The following SNX25 variants were observed in gnomAD, a reference collection of about 807,000 sequenced individuals.
The protein encoded by SNX25 is sorting nexin-25.
Under a neutral mutation model 113.7 loss-of-function variants are expected in SNX25, and 62 were observed. That is an observed-to-expected ratio of 0.55 (90% CI 0.44 to 0.67). SNX25 has a LOEUF of 0.67. Among genes scored for constraint, SNX25 ranks in the 30% least tolerant of loss-of-function variants. SNX25 has a pLI of 0.00. For synonymous variants in SNX25, 421 were observed against 436.2 expected (o/e 0.97, Z 0.43); for missense variants, 1,014 against 1,161.0 (o/e 0.87, Z 1.84).
intron 13 of SNX25, among the ~76,000 whole-genome samples, chr4:185,348,569 G>A (rs1579885911): frequency 6.6e-6 from 1 of 151,984 alleles, no homozygotes; most frequent in Non-Finnish European, 1.5e-5. Context: ...GTTAATTTTT[G>A]TATCTTTAGT....
chr4:185,323,095 T>C (rs2095132536), intron 8 of SNX25, among the ~76,000 whole-genome samples: 1 of 152,182 alleles, frequency 6.6e-6, no homozygotes, highest in African/African-American at 2.4e-5. Context: ...TGAAGAGTGT[T>C]TTTCTCGTTT....
chr4:185,287,917 TTACATTTGTTTAGTATAAA>T, intron 5 of SNX25, 76 bp from the exon 6 acceptor site: 1 of 972,528 alleles, frequency 1.0e-6, no homozygotes, highest in Non-Finnish European at 1.5e-6. Context: ...AGCTCCTGTG[TTACATTTGTTTAGTATAAA>T]TACAGTCTAA....
chr4:185,348,586 G>A lies in SNX25; in HGVS notation c.2301+1936G>A, dbSNP rs111622349. ...TAATTTTTGTATCTTTAGTAGAGAC[G>A]GGGTTTCATCATGTTGGACAGGCAG... On this transcript the variant is annotated intron_variant, in intron 13 of 18. Transcript: ENST00000652585. 3.1e-3 allele frequency among the ~76,000 whole-genome samples: 465 copies of A among 152,046 alleles called. 2 individuals carry two copies. Among genetic ancestry groups the A allele is most frequent in the African/African-American group, 0.011 (450 of 41,476 alleles).
chr4:185,304,827 C>G (rs1217345232), intron 6 of SNX25, among the ~76,000 whole-genome samples: 1 of 152,206 alleles, frequency 6.6e-6, no homozygotes, highest in Admixed American at 6.5e-5. Context: ...GATTCAACAG[C>G]TGGTTAGTCT....
In SNX25 at chr4:185,234,637, G is replaced by A. The variant is rs1330639899; in HGVS notation, c.430-12657G>A. Among the ~76,000 whole-genome samples, 9 of 18,396 alleles carry A rather than the reference G, an allele frequency of 4.9e-4. 3 individuals are homozygous for A. Among genetic ancestry groups the A allele is most frequent in the Non-Finnish European group, 1.1e-3 (8 of 7,224 alleles). 12.1% of individuals were successfully genotyped at this position (18,396 alleles called of 152,430 possible). On this transcript the variant is annotated intron_variant, in intron 1 of 18. Coordinates refer to ENST00000652585, the MANE Select transcript of SNX25 (RefSeq NM_001378034.2). ...GCGGAGCTTGCAGTGAGCCGAGATC[G>A]CGCCACTGCACTCCAGCCTGGGCGA...
chr4:185,291,828 C>T lies in SNX25; in HGVS notation c.1162+3746C>T, dbSNP rs75310017. Among the ~76,000 whole-genome samples, 705 of 152,280 alleles carry T rather than the reference C, an allele frequency of 4.6e-3. 1 individual carries two copies. The highest frequency in any genetic ancestry group is 0.015 in the African/African-American group (628 of 41,548). On this transcript the variant is annotated intron_variant, in intron 6 of 18. Coordinates refer to ENST00000652585, the MANE Select transcript of SNX25 (RefSeq NM_001378034.2). ...GCATGACTTTATCTTAACTTGATCA[C>T]GTCGGCAAAGACCCCATTTCCGAAT...
intron 7 of SNX25, among the ~76,000 whole-genome samples, chr4:185,312,216 T>G (rs2095036530): frequency 6.6e-6 from 1 of 152,168 alleles, no homozygotes; most frequent in South Asian, 2.1e-4. Flanking sequence ...TCAGTTACAG[T>G]GCTAGGTACT....
At chr4:185,264,641 A>G (rs1747797107) in intron 4 of SNX25, 31 bp downstream of exon 4, 2 of 1,606,144 alleles carry the variant, frequency 1.2e-6, no homozygotes, top group Admixed American at 3.3e-5. Flanking sequence ...TCACTAATTC[A>G]ATAAGTGTGC....
chr4:185,377,550 G>C, the SNX25 span: 1 of 165,818 alleles, frequency 6.0e-6, no homozygotes, highest in African/African-American at 2.4e-5. Context: ...AACAATACTT[G>C]TTGATTGGTT....
intron 1 of SNX25, among the ~76,000 whole-genome samples, chr4:185,213,321 T>G (rs1482473660): frequency 6.6e-6 from 1 of 152,230 alleles, no homozygotes; most frequent in Non-Finnish European, 1.5e-5. Flanking sequence ...TGGATGAGAA[T>G]CACTGTTGAT....
At chr4:185,277,190 A>G (rs1324396791) in intron 5 of SNX25, among the ~76,000 whole-genome samples, 1 of 151,948 alleles carries the variant, frequency 6.6e-6, no homozygotes, top group Admixed American at 6.6e-5. Flanking sequence ...ACATCTAGCT[A>G]ATTTTTATAT....
In SNX25 at chr4:185,264,597, T is replaced by G. The variant is rs1318898141; in HGVS notation, c.891T>G (p.Ile297Met). Residue 297 changes from isoleucine (I) to methionine (M), a missense_variant, in exon 4 of 19, where the codon ATT becomes ATG. Physicochemically the swap from Ile to Met is conservative, Grantham distance 10. Transcript: ENST00000652585. ...SLSLRIMLAE[I>M]LTTKVLKPVV... The stretch of plus-strand genomic sequence containing the variant: ...GCTTACGTATAATGCTTGCAGAAAT[T>G]CTCACAACAAAAGGTAGACTTATAC... The G allele has an allele frequency of 1.2e-6, 2 of 1,613,838 alleles. No individual in the cohort carries two copies. The highest frequency in any genetic ancestry group is 4.5e-5 in the East Asian group (2 of 44,868).
upstream of SNX25, among the ~76,000 whole-genome samples, chr4:185,206,823 G>A (rs1190111455): frequency 6.6e-6 from 1 of 152,176 alleles, no homozygotes; most frequent in African/African-American, 2.4e-5. Context: ...TTCGCCGGCT[G>A]GAGAGCCTGG....
intron 1 of SNX25, among the ~76,000 whole-genome samples, chr4:185,214,430 G>T (rs1430828339): frequency 6.6e-6 from 1 of 151,590 alleles, no homozygotes; most frequent in Non-Finnish European, 1.5e-5. Flanking sequence ...AATATTAGCT[G>T]GGAGTGGTGG....
At chr4:185,358,067 A>T (rs909501089) in intron 16 of SNX25, among the ~76,000 whole-genome samples, 1 of 152,208 alleles carries the variant, frequency 6.6e-6, no homozygotes, top group Non-Finnish European at 1.5e-5. Flanking sequence ...ATGTCAAATA[A>T]TGAGAATCAG....
intron 13 of SNX25, among the ~76,000 whole-genome samples, chr4:185,349,654 C>T (rs993998396): frequency 1.1e-4 from 17 of 152,070 alleles, no homozygotes; most frequent in African/African-American, 3.9e-4. Flanking sequence ...ATCATTTTTT[C>T]ATATACCTGT....
At chr4:185,241,149 C>G (rs909126828) in intron 1 of SNX25, among the ~76,000 whole-genome samples, 1 of 151,640 alleles carries the variant, frequency 6.6e-6, no homozygotes, top group Non-Finnish European at 1.5e-5. Flanking sequence ...GAGGTTGTAG[C>G]GAGCCGAGAT....
At chr4:185,319,100 A>AATTT (rs538426859) in intron 7 of SNX25, among the ~76,000 whole-genome samples, 1 of 116,632 alleles carries the variant, frequency 8.6e-6, no homozygotes, top group Non-Finnish European at 1.8e-5. Context: ...TATTTTTTTT[A>AATTT]TTTTTTTTTT....
chr4:185,347,448 TTTTTGTTTTC>T (rs1034219302), intron 13 of SNX25, among the ~76,000 whole-genome samples: 4 of 151,716 alleles, frequency 2.6e-5, no homozygotes, highest in East Asian at 1.9e-4. Flanking sequence ...TTGGTGTTTT[TTTTTGTTTTC>T]TTTTGTTTTG....
Sources: gnomAD v4.1 joint callset for allele counts (sites outside exome capture counted in the v4.1 genomes callset) on GRCh38, gnomAD v4.1.1 for gene constraint, MANE v1.5 for transcripts, NCBI Gene and HGNC (gene_info 2026-07-23, HGNC 2026-07-21) for gene names.